Variants in GH2 observed in about 807,000 individuals in gnomAD.
GH2 encodes growth hormone variant.
GH2 carries 17 observed loss-of-function variants against 24.1 expected under a neutral mutation model. The ratio of observed to expected loss-of-function variants is 0.71; its 90% CI spans 0.48 to 1.06. The LOEUF is 1.06. Among genes scored for constraint, GH2 ranks in the 50% least tolerant of loss-of-function variants. The pLI is 0.00. For synonymous variants in GH2, 126 were observed against 118.7 expected, an observed-to-expected ratio of 1.06 and a Z score of -0.40; for missense variants, 305 against 273.1, an observed-to-expected ratio of 1.12 and a Z score of -0.82.
chr17:63,881,024 C>A lies in GH2; in HGVS notation c.291+5G>T. The A allele has an allele frequency of 6.2e-7, 1 of 1,614,098 alleles. No individual in the cohort carries two copies. The highest frequency in any genetic ancestry group is 8.5e-7 in the Non-Finnish European group (1 of 1,179,960). On this transcript the variant is annotated splice_donor_5th_base_variant and intron_variant, in intron 3 of 4. Transcript: ENST00000423893. Reference sequence around the variant, plus strand: ...TCCCCACCTGGGGAGAAGGCATCCACTCACAGATTTCTGCTGCGTTTTCAC... The same window carrying A: ...TCCCCACCTGGGGAGAAGGCATCCAATCACAGATTTCTGCTGCGTTTTCAC...
Position 63,880,470 on chromosome 17 carries a change from A to G in GH2, c.505T>C (p.Tyr169His). The part of the protein sequence containing the change: ...PRTGQIFNQS[Y>H]SKFDTKSHND... ...TGCGATTTTGTGTCAAACTTGCTGTAGGACTGATTGAAGATCTGCCCAGTC... is the reference window on the plus strand; with the variant it reads ...TGCGATTTTGTGTCAAACTTGCTGTGGGACTGATTGAAGATCTGCCCAGTC... Residue 169 changes from tyrosine to histidine, a missense_variant, in exon 5 of 5, where the codon TAC becomes CAC. Physicochemically the swap from Tyr to His is moderately conservative, Grantham distance 83. Transcript: ENST00000423893. 1 of 1,613,782 alleles carries G rather than the reference A, an allele frequency of 6.2e-7. No homozygotes were observed. The highest frequency in any genetic ancestry group is 8.5e-7 in the Non-Finnish European group (1 of 1,179,758).
In GH2 at chr17:63,880,850, G is replaced by A. The variant is rs1905464249; in HGVS notation, c.378C>T (p.Ser126=). 2.5e-6 allele frequency: 4 copies of A among 1,614,086 alleles called. No homozygotes were observed. Among genetic ancestry groups the A allele is most frequent in the Non-Finnish European group, 3.4e-6 (4 of 1,179,960 alleles). ...TGCTGTCCGAGGCGCCATACACCAG[G>A]CTGTTGGCGAAGACGCTCCTGAGGA... ...VQLLRSVFAN[S]LVYGASDSNV... Residue 126 remains serine (S), a synonymous_variant, in exon 4 of 5, where the codon AGC becomes AGT. Transcript: ENST00000423893.
In GH2 at chr17:63,880,760, T is replaced by C. The variant is rs1219170878; in HGVS notation, c.456+12A>G. The C allele has an allele frequency of 3.1e-6, 5 of 1,614,092 alleles. No homozygotes were observed. Among genetic ancestry groups the C allele is most frequent in the Non-Finnish European group, 3.4e-6 (4 of 1,179,972 alleles). On this transcript the variant is annotated intron_variant, in intron 4 of 4. Coordinates refer to ENST00000423893, the MANE Select transcript of GH2 (RefSeq NM_002059.5). ...GGGCCCCAGGATTGGGGATCCCTGG[T>C]GCCACCCTCACCCACATCAGCGTTT... is the stretch of plus-strand genomic sequence containing the variant.
At chr17:63,881,677 C>A in intron 1 of GH2, 115 bp downstream of exon 1, 1 of 1,608,846 alleles carries the variant, frequency 6.2e-7, no homozygotes, top group East Asian at 2.2e-5. Context: ...GCTTAGATGG[C>A]GATACTAACA....
intron 1 of GH2, 51 bp downstream of exon 1, chr17:63,881,741 G>A (rs370912998): frequency 5.6e-6 from 9 of 1,612,098 alleles, no homozygotes; most frequent in South Asian, 1.1e-5. Context: ...ACAGGACGCC[G>A]CCTCTCCCCT....
At position 63,880,953 on chromosome 17, in the gene GH2, G is replaced by C. The variant is rs373168028; in HGVS notation, c.292-17C>G. On this transcript the variant is annotated splice_polypyrimidine_tract_variant and intron_variant, in intron 3 of 4. Transcript: ENST00000423893. ...CTCTAGGTTCTGCAGGGGAAGGACC[G>C]GCAGTGGCTGTGCTGCCCGGGGGCT... is the stretch of plus-strand genomic sequence containing the variant. 4.7e-5 allele frequency: 76 copies of C among 1,613,914 alleles called. No individual in the cohort carries two copies. Among genetic ancestry groups the C allele is most frequent in the East Asian group, 2.2e-5 (1 of 44,876 alleles).
chr17:63,881,844 GA>G lies in GH2; in HGVS notation c.-44del. On this transcript the variant is annotated 5_prime_UTR_variant, in exon 1 of 5. Coordinates refer to ENST00000423893, the MANE Select transcript of GH2 (RefSeq NM_002059.5). ...TCCACAGGACCCTGAGTGGTTCGGG[GA>G]GTTGGGCCTTGGGATCCTTGAGCTG... 6.2e-7 allele frequency: 1 copy of G among 1,613,754 alleles called. No individual in the cohort carries two copies. Among genetic ancestry groups the G allele is most frequent in the Non-Finnish European group, 8.5e-7 (1 of 1,179,776 alleles).
Position 63,880,216 on chromosome 17 carries a change from G to A in GH2, c.*105C>T. ...ACAAGGACACCTAGTCAAACAAAATGATGCAACTTAATTTTATTAGGACAA... is the reference window on the plus strand; with the variant it reads ...ACAAGGACACCTAGTCAAACAAAATAATGCAACTTAATTTTATTAGGACAA... On this transcript the variant is annotated 3_prime_UTR_variant, in exon 5 of 5. Coordinates refer to ENST00000423893, the MANE Select transcript of GH2 (RefSeq NM_002059.5). The A allele has an allele frequency of 6.3e-7, 1 of 1,582,354 alleles. No individual in the cohort carries two copies. The highest frequency in any genetic ancestry group is 1.1e-5 in the South Asian group (1 of 89,222).
Sources: allele counts gnomAD v4.1 joint callset, GRCh38; gene constraint gnomAD v4.1.1; transcripts MANE v1.5; gene names NCBI Gene and HGNC (gene_info 2026-07-23, HGNC 2026-07-21).